Variants in FRMPD2 observed in about 807,000 individuals in gnomAD.
FRMPD2 encodes the protein FERM and PDZ domain-containing protein 2.
A neutral mutation model predicts 140.1 loss-of-function variants in FRMPD2; 96 were observed. That is an observed-to-expected ratio of 0.69 (90% CI 0.58 to 0.81). The LOEUF (loss-of-function observed/expected upper bound fraction) is 0.81. Ranked by LOEUF, FRMPD2 falls within the 40% of genes least tolerant of loss-of-function variation. The pLI, the probability that FRMPD2 is intolerant of heterozygous loss-of-function variation, is 0.00. For missense variants in FRMPD2, 1,240 were observed against 1,447.4 expected, an observed-to-expected ratio of 0.86 and a Z score of 2.32; for synonymous variants, 449 against 547.6, an observed-to-expected ratio of 0.82 and a Z score of 2.52.
chr10:48,199,361 T>C (rs1003959935), intron 15 of FRMPD2, among the ~76,000 whole-genome samples: 7 of 151,798 alleles, frequency 4.6e-5, no homozygotes, highest in African/African-American at 1.7e-4. Flanking sequence ...AGTTTTTGAA[T>C]TTAGAAGCAC....
At chr10:48,254,115 A>G (rs280606) in intron 1 of FRMPD2, among the ~76,000 whole-genome samples, 7,789 of 151,818 alleles carry the variant, frequency 0.051, 650 homozygotes, top group African/African-American at 0.18. Flanking sequence ...CGATCCCTCT[A>G]CAGAAGGAAA....
At chr10:48,185,352 G>C in intron 18 of FRMPD2, among the ~76,000 whole-genome samples, 1 of 151,782 alleles carries the variant, frequency 6.6e-6, no homozygotes, top group East Asian at 1.9e-4. Flanking sequence ...ACCCCAAAAA[G>C]AAAAACTTGG....
At chr10:48,198,887 G>A (rs1839013097) in intron 15 of FRMPD2, among the ~76,000 whole-genome samples, 1 of 152,158 alleles carries the variant, frequency 6.6e-6, no homozygotes, top group Non-Finnish European at 1.5e-5. Context: ...AGCCTGAGAT[G>A]CTGTTGGTGT....
chr10:48,161,638 T>C (rs1257990534), intron 28 of FRMPD2, among the ~76,000 whole-genome samples: 1 of 151,432 alleles, frequency 6.6e-6, no homozygotes, highest in African/African-American at 2.4e-5. Context: ...AAGAACCTTC[T>C]GATCAGTAAC....
intron 28 of FRMPD2, among the ~76,000 whole-genome samples, chr10:48,161,458 G>A (rs1427119585): frequency 6.6e-6 from 1 of 151,750 alleles, no homozygotes; most frequent in African/African-American, 2.4e-5. Flanking sequence ...GACATAAAGA[G>A]GCATAAAGAT....
At chr10:48,264,357 T>C (rs1417466517) in intron 1 of FRMPD2, among the ~76,000 whole-genome samples, 1 of 152,132 alleles carries the variant, frequency 6.6e-6, no homozygotes, top group Non-Finnish European at 1.5e-5. Flanking sequence ...CGAGATGATA[T>C]GATTGTCCAT....
At position 48,184,535 on chromosome 10, in the gene FRMPD2, C is replaced by T. The variant is rs984639381; in HGVS notation, c.2584+31G>A. The T allele has an allele frequency of 7.1e-6, 10 of 1,411,236 alleles. No individual in the cohort carries two copies. The African/African-American group carries it at 1.3e-4, about 18-fold the overall frequency. 87.4% of individuals were successfully genotyped at this position (1,411,236 alleles called of 1,614,324 possible). On this transcript the variant is annotated intron_variant, in intron 20 of 28. Transcript: ENST00000374201. ...TGTACTCCTGAAAACAGGGGAGCCT[C>T]TTAAGCTCCCAAGAGTGGGTTAAAA...
intron 22 of FRMPD2, 54 bp downstream of exon 22, chr10:48,177,993 G>A: frequency 1.3e-6 from 1 of 788,876 alleles, no homozygotes; most frequent in Non-Finnish European, 2.2e-6. Flanking sequence ...TGGCCACCAG[G>A]TTCTAGACGG....
intron 15 of FRMPD2, 184 bp from the exon 16 acceptor site, chr10:48,193,078 AAGAAACCTC>A: frequency 5.0e-6 from 3 of 600,492 alleles, no homozygotes; most frequent in Non-Finnish European, 5.9e-6. Flanking sequence ...TTGCTAATGA[AAGAAACCTC>A]AGAAACAGAA....
intron 15 of FRMPD2, among the ~76,000 whole-genome samples, chr10:48,196,635 G>A (rs530334642): frequency 5.9e-5 from 9 of 152,312 alleles, no homozygotes; most frequent in Admixed American, 5.2e-4. Context: ...AATTACGGAT[G>A]CCCTGAGCTT....
Position 48,251,632 on chromosome 10 carries a change from A to C in FRMPD2, c.85T>G (p.Ser29Ala). The C allele has an allele frequency of 6.2e-7, 1 of 1,614,194 alleles. No homozygotes were observed. Among genetic ancestry groups the C allele is most frequent in the East Asian group, 2.2e-5 (1 of 44,870 alleles). Residue 29 changes from serine (S) to alanine (A), a missense_variant, in exon 2 of 29, where the codon TCT becomes GCT. Around this residue, in one of 6 missense-constraint regions of FRMPD2, gnomAD observed 1,161 missense variants for 1,055.9 expected, o/e 1.10. Coordinates refer to ENST00000374201, the MANE Select transcript of FRMPD2 (RefSeq NM_001018071.4). ...AGGAGGGACCAGATTTCCTCCTCAGACAGAGCTTCACCCCTGACCTGTAGG... is the reference window on the plus strand; with the variant it reads ...AGGAGGGACCAGATTTCCTCCTCAGCCAGAGCTTCACCCCTGACCTGTAGG... ...SALQVRGEALSEEEIWSLLFL... is the reference protein window; with the variant it reads ...SALQVRGEALAEEEIWSLLFL...
chr10:48,250,784 A>C (rs1224919813), intron 2 of FRMPD2, among the ~76,000 whole-genome samples: 1 of 144,852 alleles, frequency 6.9e-6, no homozygotes, highest in African/African-American at 2.6e-5. Flanking sequence ...TAGAACACAG[A>C]GTAGGTCTGC....
At position 48,157,133 on chromosome 10, in the gene FRMPD2, C is replaced by T. The variant is rs184946788; in HGVS notation, c.*189G>A. On this transcript the variant is annotated 3_prime_UTR_variant, in exon 29 of 29. Transcript: ENST00000374201. The stretch of plus-strand genomic sequence containing the variant: ...AAGCTGAAGTGACATTTACTCCCCG[C>T]GGAAGGACACAGGAGGCAGACGAGT... The T allele has an allele frequency of 1.3e-5, 9 of 671,316 alleles. No individual in the cohort carries two copies. The highest frequency in any genetic ancestry group is 6.5e-5 in the Admixed American group (3 of 46,020). 41.6% of individuals were successfully genotyped at this position (671,316 alleles called of 1,614,324 possible). A position where few individuals can be genotyped will look rare whatever the true frequency, so the allele number is the denominator to read the frequency against.
chr10:48,192,960 G>A, intron 15 of FRMPD2, 66 bp from the exon 16 acceptor site: 2 of 1,264,988 alleles, frequency 1.6e-6, no homozygotes, highest in Non-Finnish European at 2.3e-6. Flanking sequence ...CATTGCTCTG[G>A]TGGTTGTAAC....
chr10:48,207,483 G>A (rs1234087320), intron 13 of FRMPD2, among the ~76,000 whole-genome samples: 2 of 152,276 alleles, frequency 1.3e-5, no homozygotes, highest in African/African-American at 4.8e-5. Context: ...CAATGCCTTC[G>A]TGGGGGTCCC....
At chr10:48,211,807 C>T (rs918946490) in intron 13 of FRMPD2, 147 bp downstream of exon 13, 8 of 619,818 alleles carry the variant, frequency 1.3e-5, no homozygotes, top group African/African-American at 7.6e-5. Context: ...CCTCTCCTTG[C>T]CCCTCCCTGC....
chr10:48,232,172 C>T lies in FRMPD2; in HGVS notation c.1111G>A (p.Val371Met), dbSNP rs74130206. ...ESTVGAVFNA[V>M]TSFANLEELT... ...TCCTCGAGGTTGGCAAAGGATGTCACGGCATTGAAGACAGCTCCCACTGTT... is the reference window on the plus strand; with the variant it reads ...TCCTCGAGGTTGGCAAAGGATGTCATGGCATTGAAGACAGCTCCCACTGTT... Residue 371 changes from valine (V) to methionine (M), a missense_variant, in exon 10 of 29, where the codon GTG (valine) becomes ATG (methionine). By Grantham distance (21) the Val-to-Met change is conservative. Coordinates refer to ENST00000374201, the MANE Select transcript of FRMPD2 (RefSeq NM_001018071.4). 7.2e-5 allele frequency: 116 copies of T among 1,614,170 alleles called. No individual in the cohort carries two copies. In the African/African-American group the frequency reaches 1.2e-3, roughly 16 times the overall value.
intron 1 of FRMPD2, among the ~76,000 whole-genome samples, chr10:48,266,036 C>A (rs113318390): frequency 6.6e-6 from 1 of 151,944 alleles, no homozygotes; most frequent in Non-Finnish European, 1.5e-5. Context: ...TATGCAGCCA[C>A]AAAAAAGAAT....
Position 48,265,813 on chromosome 10 carries a change from C to A in FRMPD2, c.25+8730G>T, listed in dbSNP as rs1840667594. ...ATTGTGGAAATCAGTGTAGAAATTC[C>A]TCAAAGAGCCAAAACCAAAACTACC... On this transcript the variant is annotated intron_variant, in intron 1 of 28. Transcript: ENST00000374201. 2.0e-5 allele frequency among the ~76,000 whole-genome samples: 3 copies of A among 152,092 alleles called. No homozygotes were observed. In the South Asian group the frequency reaches 6.2e-4, roughly 32 times the overall value.
Sources: allele counts gnomAD v4.1 joint callset (sites outside exome capture counted in the v4.1 genomes callset), GRCh38; gene constraint gnomAD v4.1.1; regional missense constraint gnomAD v4.1.1; transcripts MANE v1.5; gene names NCBI Gene and HGNC (gene_info 2026-07-23, HGNC 2026-07-21).